Variants in POLQ observed in about 807,000 individuals in gnomAD.
POLQ encodes epididymis secretory sperm binding protein.
Under a neutral mutation model 259.2 loss-of-function variants are expected in POLQ, and 233 were observed. The observed-to-expected ratio is 0.90, with a 90% confidence interval of 0.81 to 1.00. The LOEUF (loss-of-function observed/expected upper bound fraction) is 1.00, where lower values mean the gene tolerates loss of function less well. Among genes scored for constraint, POLQ ranks in the 50% least tolerant of loss-of-function variants. The pLI is 0.00. For missense variants in POLQ, 2,871 were observed against 3,051.6 expected (o/e 0.94, Z 1.39); for synonymous variants, 1,025 against 1,048.8 (o/e 0.98, Z 0.44).
At chr3:121,516,477 GGCAAGGTTTATAAAAT>G (rs1313995710) in intron 9 of POLQ, among the ~76,000 whole-genome samples, 1 of 152,068 alleles carries the variant, frequency 6.6e-6, no homozygotes, top group African/African-American at 2.4e-5. Flanking sequence ...TTCCTGAATG[GGCAAGGTTTATAAAAT>G]GTCCAAATGA....
Position 121,509,734 on chromosome 3 carries a change from G to A in POLQ, c.1817-31C>T, listed in dbSNP as rs1028665175. The A allele has an allele frequency of 2.5e-6, 4 of 1,581,026 alleles. No homozygotes were observed. In the African/African-American group the frequency reaches 5.5e-5, roughly 22 times the overall value. On this transcript the variant is annotated intron_variant, in intron 11 of 29. Coordinates refer to ENST00000264233, the MANE Select transcript of POLQ (RefSeq NM_199420.4). Reference sequence around the variant, plus strand: ...TTAGGGTTAGGGTGAGGAAACAGAGGAACAAACATTCAAAATAAAATAAAA... The same window carrying A: ...TTAGGGTTAGGGTGAGGAAACAGAGAAACAAACATTCAAAATAAAATAAAA...
chr3:121,481,794 C>T lies in POLQ; in HGVS notation c.5989G>A (p.Asp1997Asn), dbSNP rs1560095119. 1 of 1,611,380 alleles carries T rather than the reference C, an allele frequency of 6.2e-7. No individual in the cohort carries two copies. Residue 1997 changes from aspartate to asparagine, a missense_variant, in exon 19 of 30, where the codon GAT becomes AAT. Asp to Asn is a conservative substitution (Grantham distance 23). Coordinates refer to ENST00000264233, the MANE Select transcript of POLQ (RefSeq NM_199420.4). ...EDPKVACWLL[D>N]PDSQEPTLHS... Reference sequence around the variant, plus strand: ...AGAGTCGGCTCCTGAGAATCTGGATCTAGTAACCAGCATGCCACCTGAATG... The same window carrying T: ...AGAGTCGGCTCCTGAGAATCTGGATTTAGTAACCAGCATGCCACCTGAATG...
chr3:121,502,495 C>T (rs1244237055), intron 12 of POLQ, among the ~76,000 whole-genome samples: 3 of 152,158 alleles, frequency 2.0e-5, no homozygotes, highest in Non-Finnish European at 4.4e-5. Context: ...TGAGCCACTA[C>T]AACCTGCCAA....
At chr3:121,491,266 T>G (rs1455993656) in intron 15 of POLQ, among the ~76,000 whole-genome samples, 3 of 142,214 alleles carry the variant, frequency 2.1e-5, no homozygotes, top group Non-Finnish European at 3.0e-5. Flanking sequence ...GACAGAAGAA[T>G]TGCTTGAACC....
chr3:121,503,595 A>C (rs1202351216), intron 12 of POLQ, among the ~76,000 whole-genome samples: 1 of 152,154 alleles, frequency 6.6e-6, no homozygotes, highest in East Asian at 1.9e-4. Flanking sequence ...AACTCCACCA[A>C]ACCATAGCAA....
intron 5 of POLQ, among the ~76,000 whole-genome samples, chr3:121,536,482 TA>T (rs2048451926): frequency 6.6e-6 from 1 of 152,078 alleles, no homozygotes; most frequent in South Asian, 2.1e-4. Flanking sequence ...AAAAAAATAA[TA>T]TTTTTTTCAA....
Position 121,488,061 on chromosome 3 carries a change from T to A in POLQ, c.4870A>T (p.Arg1624Trp), listed in dbSNP as rs199799354. ...RAEKSKLTGT[R>W]QNHSFIWSGA... ...GACCATATGAATGAATGATTTTGCC[T>A]GGTCCCAGTTAATTTTGATTTTTCA... Residue 1624 changes from arginine to tryptophan, a missense_variant, in exon 16 of 30, where the codon AGG (arginine) becomes TGG (tryptophan). By Grantham distance (101) the Arg-to-Trp change is moderately radical. Transcript: ENST00000264233. The A allele has an allele frequency of 2.5e-6, 4 of 1,614,072 alleles. No homozygotes were observed. In the South Asian group the frequency reaches 4.4e-5, roughly 18 times the overall value.
intron 15 of POLQ, among the ~76,000 whole-genome samples, chr3:121,490,778 G>C (rs993767552): frequency 6.6e-6 from 1 of 152,174 alleles, no homozygotes; most frequent in African/African-American, 2.4e-5. Flanking sequence ...ATCCGGCCGG[G>C]CGCGGTAGCT....
At chr3:121,537,024 T>A (rs538671755) in intron 5 of POLQ, 76 bp downstream of exon 5, 5 of 767,770 alleles carry the variant, frequency 6.5e-6, no homozygotes, top group South Asian at 6.1e-5. Flanking sequence ...TTTATTTAAC[T>A]CATACTTATG....
At position 121,510,133 on chromosome 3, in the gene POLQ, T is replaced by C; in HGVS notation, c.1722A>G (p.Gln574=). The C allele has an allele frequency of 1.2e-6, 2 of 1,614,096 alleles. No homozygotes were observed. Among genetic ancestry groups the C allele is most frequent in the African/African-American group, 1.3e-5 (1 of 75,048 alleles). ...KEGKQGIQRN[Q]ESVQLGAIEA... ...CAATCGCTCCAAGCTGAACAGACTC[T>C]TGATTTCTCTGAATTCCTTGCTTCC... Residue 574 remains glutamine (Q), a synonymous_variant, in exon 11 of 30, where the codon CAA becomes CAG. Coordinates refer to ENST00000264233, the MANE Select transcript of POLQ (RefSeq NM_199420.4).
chr3:121,484,984 AC>A lies in POLQ; in HGVS notation c.5773+56del, dbSNP rs1482659326. 12 of 1,241,712 alleles carry A rather than the reference AC, an allele frequency of 9.7e-6. No individual in the cohort carries two copies. In the African/African-American group the frequency reaches 1.7e-4, roughly 17 times the overall value. The allele number at this position is 1,241,712 out of a possible 1,614,324, so 76.9% of individuals were successfully genotyped here. The stretch of plus-strand genomic sequence containing the variant: ...ATTATTCTCAAAATATAAGATCACT[AC>A]CCTAATGGATGTTACAGTAATTACA... On this transcript the variant is annotated intron_variant, in intron 17 of 29. Transcript: ENST00000264233.
At chr3:121,535,158 C>G (rs2048441310) in intron 5 of POLQ, among the ~76,000 whole-genome samples, 1 of 152,084 alleles carries the variant, frequency 6.6e-6, no homozygotes, top group Admixed American at 6.6e-5. Flanking sequence ...GTTCAATTCT[C>G]CCTTAACTGA....
At position 121,520,047 on chromosome 3, in the gene POLQ, G is replaced by T. The variant is rs537281660; in HGVS notation, c.1292C>A (p.Ala431Asp). ...TFEERDIIEG[A>D]FRQGLIRVLA... is the part of the protein sequence containing the mutation. ...GACCCGAATGAGACCTTGACGAAAG[G>T]CTCCTTCAATGATATCCCTCTCCTC... Residue 431 changes from alanine to aspartate, a missense_variant, in exon 9 of 30, where the codon GCC (alanine) becomes GAC (aspartate). This residue lies in a region of POLQ where 783 missense variants were observed against 906.2 expected (regional missense o/e 0.86). Coordinates refer to ENST00000264233, the MANE Select transcript of POLQ (RefSeq NM_199420.4). The T allele has an allele frequency of 1.2e-6, 2 of 1,613,110 alleles. No individual in the cohort carries two copies. Among genetic ancestry groups the T allele is most frequent in the South Asian group, 2.2e-5 (2 of 91,046 alleles).
intron 12 of POLQ, among the ~76,000 whole-genome samples, chr3:121,507,294 C>T (rs943451009): frequency 5.3e-5 from 8 of 152,172 alleles, no homozygotes; most frequent in African/African-American, 1.9e-4. Context: ...ATTTTAATTG[C>T]CAATGCTTTG....
rs573615146 is a variant in POLQ, at chr3:121,489,610, T to C, written c.3321A>G (p.Glu1107=). 35 of 1,613,774 alleles carry C rather than the reference T, an allele frequency of 2.2e-5. No homozygotes were observed. In the South Asian group the frequency reaches 2.5e-4, roughly 12 times the overall value. ...FAKNVSLSGK[E]KDNKTSFPLQ... The stretch of plus-strand genomic sequence containing the variant: ...ATGGGAATGATGTTTTATTATCTTT[T>C]TCCTTACCACTCAAAGATACATTTT... Residue 1107 remains glutamate (E), a synonymous_variant, in exon 16 of 30, where the codon GAA becomes GAG. Transcript: ENST00000264233.
chr3:121,450,849 G>A (rs1298422050), intron 25 of POLQ, among the ~76,000 whole-genome samples: 1 of 152,146 alleles, frequency 6.6e-6, no homozygotes, highest in Non-Finnish European at 1.5e-5. Flanking sequence ...TTGCTAGATT[G>A]GGGAAGTTCT....
intron 26 of POLQ, among the ~76,000 whole-genome samples, chr3:121,443,971 C>T (rs569314552): frequency 3.3e-5 from 5 of 152,046 alleles, no homozygotes; most frequent in Non-Finnish European, 5.9e-5. Context: ...AGTACTATGT[C>T]ATTTTGGTTA....
At chr3:121,439,502 G>C (rs754894625) in intron 27 of POLQ, among the ~76,000 whole-genome samples, 1 of 152,012 alleles carries the variant, frequency 6.6e-6, no homozygotes, top group Non-Finnish European at 1.5e-5. Context: ...CAAAGTGCTG[G>C]GACTACAGGC....
At chr3:121,441,100 G>A (rs963034106) in intron 26 of POLQ, among the ~76,000 whole-genome samples, 12 of 152,094 alleles carry the variant, frequency 7.9e-5, no homozygotes, top group Non-Finnish European at 1.8e-4. Flanking sequence ...AAAGCCACTG[G>A]ACTCTCATCT....
Sources: gnomAD v4.1 joint callset for allele counts (sites outside exome capture counted in the v4.1 genomes callset) on GRCh38, gnomAD v4.1.1 for gene constraint, gnomAD v4.1.1 regional missense constraint, MANE v1.5 for transcripts, NCBI Gene and HGNC (gene_info 2026-07-23, HGNC 2026-07-21) for gene names.